Variants in SLC30A6 observed in about 807,000 individuals in gnomAD.
SLC30A6 encodes solute carrier family 30 member 6.
A neutral mutation model predicts 63.0 loss-of-function variants in SLC30A6; 55 were observed. The observed-to-expected ratio is 0.87, with a 90% CI of 0.70 to 1.09. SLC30A6 has a LOEUF of 1.09. Among genes scored for constraint, SLC30A6 ranks in the 50% least tolerant of loss-of-function variants. The pLI, the probability that SLC30A6 is intolerant of heterozygous loss-of-function variation, is 0.00. For synonymous variants in SLC30A6, 224 were observed against 186.1 expected (o/e 1.20, Z -1.66); for missense variants, 587 against 549.2 (o/e 1.07, Z -0.69).
chr2:32,216,065 A>G (rs1324671134), intron 13 of SLC30A6, among the ~76,000 whole-genome samples: 1 of 152,132 alleles, frequency 6.6e-6, no homozygotes, highest in Non-Finnish European at 1.5e-5. Flanking sequence ...TTTCTTTTGG[A>G]TATATACCCA....
chr2:32,220,307 T>C lies in SLC30A6; in HGVS notation c.980T>C (p.Leu327Pro). Residue 327 changes from leucine (L) to proline (P), a missense_variant, in exon 14 of 14, where the codon CTA becomes CCA. Coordinates refer to ENST00000282587, the MANE Select transcript of SLC30A6 (RefSeq NM_017964.5). ...AGGCTGTACACTCTAGTGTCTACTC[T>C]AACTGTTCAAATTTTCAAGGATGAC... is the stretch of plus-strand genomic sequence containing the variant. ...TNRLYTLVST[L>P]TVQIFKDDWI... 2 of 1,614,226 alleles carry C rather than the reference T, an allele frequency of 1.2e-6. No individual in the cohort carries two copies.
intron 5 of SLC30A6, chr2:32,187,039 G>T (rs543146439): frequency 1.1e-5 from 4 of 357,222 alleles, no homozygotes; most frequent in African/African-American, 8.7e-5. Flanking sequence ...AAATGAGTTC[G>T]GGGGAAAAAA....
chr2:32,174,390 G>A (rs1408700153), intron 3 of SLC30A6, among the ~76,000 whole-genome samples: 3 of 151,400 alleles, frequency 2.0e-5, no homozygotes, highest in East Asian at 3.9e-4. Context: ...ATGGGGTTTC[G>A]CCATGTTGCC....
chr2:32,167,679 C>CAG (rs973065551), intron 1 of SLC30A6, among the ~76,000 whole-genome samples: 2 of 152,266 alleles, frequency 1.3e-5, no homozygotes, highest in African/African-American at 4.8e-5. Flanking sequence ...CACACACACA[C>CAG]ACCAGTTTTG....
intron 2 of SLC30A6, among the ~76,000 whole-genome samples, chr2:32,172,127 C>G (rs1681281785): frequency 6.6e-6 from 1 of 152,182 alleles, no homozygotes; most frequent in Non-Finnish European, 1.5e-5. Context: ...TCATTGTTGT[C>G]TAAATGATAA....
intron 10 of SLC30A6, among the ~76,000 whole-genome samples, chr2:32,201,358 TG>T (rs1684279527): frequency 6.6e-6 from 1 of 152,250 alleles, no homozygotes. Context: ...AAAAAATTCC[TG>T]GAGAATCTTA....
chr2:32,192,545 A>T, intron 6 of SLC30A6, 129 bp downstream of exon 6: 1 of 703,642 alleles, frequency 1.4e-6, no homozygotes, highest in Non-Finnish European at 2.4e-6. Context: ...TTTTGATAGT[A>T]CACTTTCTTT....
intron 1 of SLC30A6, among the ~76,000 whole-genome samples, chr2:32,170,308 A>T (rs1681085270): frequency 6.6e-6 from 1 of 152,176 alleles, no homozygotes. Context: ...CCATTTATTG[A>T]CTGGCTTATA....
intron 12 of SLC30A6, 82 bp from the exon 13 acceptor site, chr2:32,209,411 A>T: frequency 9.0e-7 from 1 of 1,111,054 alleles, no homozygotes. Context: ...TCTTAAGTTT[A>T]AACTAAGTCC....
chr2:32,166,036 G>A, intron 1 of SLC30A6, 133 bp downstream of exon 1: 5 of 1,320,332 alleles, frequency 3.8e-6, no homozygotes, highest in South Asian at 3.6e-5. Flanking sequence ...CCCCTTGGCA[G>A]GAGCGGCTGT....
chr2:32,173,272 A>G (rs1046727282), intron 2 of SLC30A6, among the ~76,000 whole-genome samples: 2 of 152,166 alleles, frequency 1.3e-5, no homozygotes, highest in Non-Finnish European at 2.9e-5. Context: ...TAATTCACAT[A>G]AACAGCTTTT....
chr2:32,166,455 T>C (rs1435019849), intron 1 of SLC30A6, among the ~76,000 whole-genome samples: 2 of 152,256 alleles, frequency 1.3e-5, no homozygotes, highest in Non-Finnish European at 2.9e-5. Context: ...GACATTTTAT[T>C]GCTGCTTTAT....
intron 5 of SLC30A6, among the ~76,000 whole-genome samples, chr2:32,190,647 T>A (rs1187630426): frequency 6.6e-6 from 1 of 152,012 alleles, no homozygotes; most frequent in Non-Finnish European, 1.5e-5. Flanking sequence ...TTTGGTATGG[T>A]GTGAAGCAGG....
At chr2:32,211,790 G>GT (rs922919798) in intron 13 of SLC30A6, among the ~76,000 whole-genome samples, 59 of 149,546 alleles carry the variant, frequency 3.9e-4, no homozygotes, top group African/African-American at 8.1e-4. Context: ...GCTAATTTTT[G>GT]TTTTTTTTTA....
chr2:32,202,935 G>A, intron 10 of SLC30A6: 1 of 1,118,394 alleles, frequency 8.9e-7, no homozygotes, highest in East Asian at 2.3e-5. Context: ...AGCAGTTACT[G>A]GAGATGTCCT....
intron 13 of SLC30A6, among the ~76,000 whole-genome samples, chr2:32,219,688 G>A (rs1425469355): frequency 2.0e-5 from 3 of 151,262 alleles, no homozygotes; most frequent in African/African-American, 7.3e-5. Flanking sequence ...CACCCACCTC[G>A]GCCTCCCAAA....
intron 1 of SLC30A6, among the ~76,000 whole-genome samples, chr2:32,168,361 A>G (rs1680874609): frequency 6.6e-6 from 1 of 150,664 alleles, no homozygotes; most frequent in Non-Finnish European, 1.5e-5. Context: ...AAATATTGAG[A>G]AAAAGGTTTT....
chr2:32,168,616 G>A (rs1680896223), intron 1 of SLC30A6, among the ~76,000 whole-genome samples: 1 of 152,130 alleles, frequency 6.6e-6, no homozygotes, highest in African/African-American at 2.4e-5. Flanking sequence ...CATTTAAGAA[G>A]TGAAACATGA....
intron 11 of SLC30A6, 92 bp from the exon 12 acceptor site, chr2:32,206,794 C>A: frequency 1.0e-6 from 1 of 987,992 alleles, no homozygotes. Context: ...CAAAGGCTGG[C>A]TTAAAATCCT....
Sources: gnomAD v4.1 joint callset for allele counts (sites outside exome capture counted in the v4.1 genomes callset) on GRCh38, gnomAD v4.1.1 for gene constraint, MANE v1.5 for transcripts, NCBI Gene and HGNC (gene_info 2026-07-23, HGNC 2026-07-21) for gene names.